Variants in MDGA2 observed in about 807,000 individuals in gnomAD.
The protein encoded by MDGA2 is MAM domain containing glycosylphosphatidylinositol anchor 2.
Under a neutral mutation model 117.8 loss-of-function variants are expected in MDGA2, and 40 were observed. That is an observed-to-expected ratio of 0.34 (90% CI 0.26 to 0.44). The LOEUF (loss-of-function observed/expected upper bound fraction) is 0.44. MDGA2 is among the 20% of genes least tolerant of loss of function. The pLI is 1.00. For synonymous variants in MDGA2, 452 were observed against 439.0 expected (o/e 1.03, Z -0.37); for missense variants, 1,123 against 1,250.6 (o/e 0.90, Z 1.54).
At chr14:46,908,807 A>C (rs984673272) in intron 10 of MDGA2, among the ~76,000 whole-genome samples, 2 of 152,190 alleles carry the variant, frequency 1.3e-5, no homozygotes, top group African/African-American at 2.4e-5. Context: ...TTATTGCTTC[A>C]TTTCAATTAG....
intron 3 of MDGA2, among the ~76,000 whole-genome samples, chr14:47,173,505 A>C (rs1405620332): frequency 1.3e-5 from 2 of 152,312 alleles, no homozygotes; most frequent in East Asian, 3.9e-4. Context: ...CAACATTCTT[A>C]AAGAAAAGAA....
intron 3 of MDGA2, among the ~76,000 whole-genome samples, chr14:47,198,567 G>C (rs890241766): frequency 6.6e-6 from 1 of 151,600 alleles, no homozygotes; most frequent in African/African-American, 2.4e-5. Context: ...GCGAGACTCC[G>C]TCTCAAAAAA....
Position 47,061,351 on chromosome 14 carries a change from C to G in MDGA2, c.1423G>C (p.Asp475His). The change falls in exon 7 of 17, where the codon GAT becomes CAT. Residue 475 changes from aspartate (D) to histidine (H), a missense_variant. Physicochemically the swap from Asp to His is moderately conservative, Grantham distance 81 (BLOSUM62 -1). Around this residue, in one of 2 missense-constraint regions of MDGA2, gnomAD observed 890 missense variants for 1,050.3 expected, o/e 0.85. Transcript: ENST00000399232. Reference sequence around the variant, plus strand: ...GTCCCAAAATCCGTGAATTTTAAATCAATGATGTCCAAGTTTGTTGTTCCC... The same window carrying G: ...GTCCCAAAATCCGTGAATTTTAAATGAATGATGTCCAAGTTTGTTGTTCCC... The part of the protein sequence containing the change: ...SPGTTNLDII[D>H]LKFTDFGTYT... The G allele has an allele frequency of 6.2e-7, 1 of 1,613,596 alleles. No homozygotes were observed. The highest frequency in any genetic ancestry group is 8.5e-7 in the Non-Finnish European group (1 of 1,179,658).
chr14:47,131,960 A>T (rs1882228329), intron 4 of MDGA2, 114 bp from the exon 5 acceptor site: 4 of 820,860 alleles, frequency 4.9e-6, no homozygotes, highest in Middle Eastern at 3.8e-4. Flanking sequence ...AGAATATGAC[A>T]GACTGTCTTT....
At chr14:47,152,541 G>A (rs959033328) in intron 3 of MDGA2, among the ~76,000 whole-genome samples, 3 of 152,048 alleles carry the variant, frequency 2.0e-5, no homozygotes, top group South Asian at 2.1e-4. Context: ...TATGTAACAC[G>A]ATGAGTATTA....
At chr14:47,504,333 GA>G (rs1180510782) in intron 1 of MDGA2, among the ~76,000 whole-genome samples, 1 of 152,068 alleles carries the variant, frequency 6.6e-6, no homozygotes, top group African/African-American at 2.4e-5. Flanking sequence ...TATGGACTAG[GA>G]ACCTGCTATA....
At chr14:47,556,676 C>G (rs983427544) in intron 1 of MDGA2, among the ~76,000 whole-genome samples, 3 of 152,110 alleles carry the variant, frequency 2.0e-5, no homozygotes, top group Non-Finnish European at 4.4e-5. Context: ...CAACTTCATA[C>G]AGTTATTGTA....
intron 8 of MDGA2, among the ~76,000 whole-genome samples, chr14:46,976,781 T>A (rs1224899639): frequency 6.6e-6 from 1 of 151,956 alleles, no homozygotes; most frequent in African/African-American, 2.4e-5. Flanking sequence ...TAAAAGTAAT[T>A]CTTCTAGAAT....
At chr14:47,256,680 C>T (rs1887630646) in intron 2 of MDGA2, among the ~76,000 whole-genome samples, 1 of 152,054 alleles carries the variant, frequency 6.6e-6, no homozygotes, top group South Asian at 2.1e-4. Flanking sequence ...CTTTTTCCTT[C>T]TTTATTATAG....
intron 2 of MDGA2, among the ~76,000 whole-genome samples, chr14:47,241,378 T>C (rs1276220839): frequency 1.3e-5 from 2 of 151,892 alleles, no homozygotes; most frequent in Non-Finnish European, 2.9e-5. Flanking sequence ...GCTATTTTCA[T>C]AGGGCCAACT....
intron 2 of MDGA2, among the ~76,000 whole-genome samples, chr14:47,231,747 G>A (rs1183903974): frequency 7.4e-6 from 1 of 135,370 alleles, no homozygotes; most frequent in Non-Finnish European, 1.6e-5. Context: ...TTGAACCTTC[G>A]TGTTGGAAAA....
intron 1 of MDGA2, among the ~76,000 whole-genome samples, chr14:47,461,028 T>C (rs1893472256): frequency 1.3e-5 from 2 of 152,212 alleles, no homozygotes; most frequent in African/African-American, 4.8e-5. Flanking sequence ...TATCTTCAAA[T>C]ATTGTTTTTT....
intron 3 of MDGA2, among the ~76,000 whole-genome samples, chr14:47,166,912 G>C (rs1883902898): frequency 6.6e-6 from 1 of 152,168 alleles, no homozygotes; most frequent in Admixed American, 6.6e-5. Flanking sequence ...CCTCCAGGCT[G>C]ACAAGACAGT....
intron 1 of MDGA2, among the ~76,000 whole-genome samples, chr14:47,402,878 T>C (rs1892184461): frequency 6.6e-6 from 1 of 152,214 alleles, no homozygotes; most frequent in East Asian, 1.9e-4. Context: ...AAAGAGTTTG[T>C]AGTCCTGTGA....
At position 47,484,590 on chromosome 14, in the gene MDGA2, C is replaced by A. The variant is rs563776607; in HGVS notation, c.281-183040G>T. Among the ~76,000 whole-genome samples the A allele has an allele frequency of 3.9e-5, 6 of 152,204 alleles. No homozygotes were observed. The South Asian group carries it at 1.2e-3, about 32-fold the overall frequency. ...CAAAATTCATGGAGATTTCTACAGTCCAAAACAGCTATTCAAATTTCACAC... is the reference window on the plus strand; with the variant it reads ...CAAAATTCATGGAGATTTCTACAGTACAAAACAGCTATTCAAATTTCACAC... On this transcript the variant is annotated intron_variant, in intron 1 of 16. Coordinates refer to ENST00000399232, the MANE Select transcript of MDGA2 (RefSeq NM_001113498.3).
chr14:47,175,085 C>T (rs1020581634), intron 3 of MDGA2, among the ~76,000 whole-genome samples: 2 of 151,688 alleles, frequency 1.3e-5, no homozygotes, highest in Non-Finnish European at 2.9e-5. Flanking sequence ...TACACCCACC[C>T]AAGACTAAAC....
At position 47,295,740 on chromosome 14, in the gene MDGA2, T is replaced by A. The variant is rs552120032; in HGVS notation, c.420+5671A>T. ...CCTACATGGGGAAACTGGGTCTTTA[T>A]TAAAAATACAAAAATTATTAGGGGG... On this transcript the variant is annotated intron_variant, in intron 2 of 16. Transcript: ENST00000399232. Among the ~76,000 whole-genome samples, 13 of 151,992 alleles carry A rather than the reference T, an allele frequency of 8.6e-5. No individual in the cohort carries two copies. The South Asian group carries it at 2.5e-3, about 29-fold the overall frequency.
chr14:47,360,073 C>T (rs1049590067), intron 1 of MDGA2, among the ~76,000 whole-genome samples: 2 of 152,000 alleles, frequency 1.3e-5, no homozygotes, highest in African/African-American at 2.4e-5. Context: ...TGCAAAGGGC[C>T]GGGTGCAGTG....
At chr14:47,614,095 C>CTTTTTTTT (rs768294746) in intron 1 of MDGA2, among the ~76,000 whole-genome samples, 25 of 101,634 alleles carry the variant, frequency 2.5e-4, no homozygotes, top group African/African-American at 6.0e-4. Context: ...TTTCTTTTTT[C>CTTTTTTTT]TTTTTTTTTT....
Sources: allele counts gnomAD v4.1 joint callset (sites outside exome capture counted in the v4.1 genomes callset), GRCh38; gene constraint gnomAD v4.1.1; regional missense constraint gnomAD v4.1.1; transcripts MANE v1.5; gene names NCBI Gene and HGNC (gene_info 2026-07-23, HGNC 2026-07-21).